PDCD1: variants seen among roughly 807,000 people sequenced by gnomAD.
PDCD1 encodes programmed cell death protein 1.
PDCD1 carries 10 observed loss-of-function variants against 23.6 expected under a neutral mutation model. The observed-to-expected ratio is 0.42, with a 90% CI of 0.26 to 0.72. The LOEUF (loss-of-function observed/expected upper bound fraction) is 0.72, where lower values mean the gene tolerates loss of function less well. Among genes scored for constraint, PDCD1 ranks in the 30% least tolerant of loss-of-function variants. The probability of loss-of-function intolerance (pLI) is 0.24; values close to 1 mark genes in which losing one functional copy is unlikely to be tolerated. For missense variants in PDCD1, 313 were observed against 397.8 expected, an observed-to-expected ratio of 0.79 and a Z score of 1.81; for synonymous variants, 168 against 169.3, an observed-to-expected ratio of 0.99 and a Z score of 0.06.
intron 1 of PDCD1, 76 bp downstream of exon 1, chr2:241,858,687 G>A (rs781350586): frequency 8.4e-5 from 112 of 1,328,622 alleles, no homozygotes; most frequent in Middle Eastern, 2.0e-4. Context: ...AGCACCCCCC[G>A]ACCTGCCAGG....
rs568397742 is a variant in PDCD1, at chr2:241,852,770, C to T, written c.287G>A (p.Arg96His). Reference protein sequence around the residue: ...RSQPGQDCRFRVTQLPNGRDF... With the variant: ...RSQPGQDCRFHVTQLPNGRDF... ...ACGCCCGTTGGGCAGTTGTGTGACA[C>T]GGAAGCGGCAGTCCTGGCCGGGCTG... is the stretch of plus-strand genomic sequence containing the variant. The change falls in exon 2 of 5, where the codon CGT (arginine) becomes CAT (histidine). Residue 96 changes from arginine (R) to histidine (H), a missense_variant. Arg to His is a conservative substitution (Grantham distance 29, BLOSUM62 0). This residue lies in a region of PDCD1 where 135 missense variants were observed against 166.9 expected (regional missense o/e 0.81). Coordinates refer to ENST00000334409, the MANE Select transcript of PDCD1 (RefSeq NM_005018.3). 9.3e-6 allele frequency: 15 copies of T among 1,614,024 alleles called. No homozygotes were observed. The highest frequency in any genetic ancestry group is 1.6e-4 in the Middle Eastern group (1 of 6,062).
Position 241,852,809 on chromosome 2 carries a change from G to T in PDCD1, c.248C>A (p.Pro83His). The T allele has an allele frequency of 6.2e-7, 1 of 1,613,312 alleles. No homozygotes were observed. The change falls in exon 2 of 5, where the codon CCC becomes CAC. Residue 83 changes from proline to histidine, a missense_variant. Transcript: ENST00000334409. ...CTGGCCGGGCTGGCTGCGGTCCTCGGGGAAGGCGGCCAGCTTGTCCGTCTG... is the reference window on the plus strand; with the variant it reads ...CTGGCCGGGCTGGCTGCGGTCCTCGTGGAAGGCGGCCAGCTTGTCCGTCTG... ...SNQTDKLAAF[P>H]EDRSQPGQDC...
At chr2:241,857,784 G>A (rs950724764) in intron 1 of PDCD1, among the ~76,000 whole-genome samples, 6 of 152,172 alleles carry the variant, frequency 3.9e-5, no homozygotes, top group African/African-American at 1.4e-4. Context: ...CAGGAGCCTC[G>A]AGGGGGTGTC....
chr2:241,852,227 A>G lies in PDCD1; in HGVS notation c.563T>C (p.Leu188Pro). 1 of 1,610,810 alleles carries G rather than the reference A, an allele frequency of 6.2e-7. No individual in the cohort carries two copies. The highest frequency in any genetic ancestry group is 1.1e-5 in the South Asian group (1 of 90,650). ...TGCGGCCCGGGAGCAGATGACGGCC[A>G]GGACCCAGACTAGCAGCACCAGGCT... ...LGSLVLLVWV[L>P]AVICSRAARG... is the part of the protein sequence containing the mutation. Residue 188 changes from leucine (L) to proline (P), a missense_variant, in exon 3 of 5, where the codon CTG becomes CCG. By Grantham distance (98) the Leu-to-Pro change is moderately conservative. Around this residue, in one of 3 missense-constraint regions of PDCD1, gnomAD observed 158 missense variants for 177.5 expected, o/e 0.89. Transcript: ENST00000334409.
chr2:241,852,372 CA>C lies in PDCD1; in HGVS notation c.437-20del. The C allele has an allele frequency of 6.6e-7, 1 of 1,520,292 alleles. No homozygotes were observed. Among genetic ancestry groups the C allele is most frequent in the Non-Finnish European group, 9.1e-7 (1 of 1,103,524 alleles). 94.2% of individuals were successfully genotyped at this position (1,520,292 alleles called of 1,614,324 possible). On this transcript the variant is annotated intron_variant, in intron 2 of 4. Transcript: ENST00000334409. ...CTTCTCTCTGGAAGGGCACAAAGGT[CA>C]GGGGTTAGGACGGGGTCAGGGTGGA...
At chr2:241,853,232 C>T (rs1700947341) in intron 1 of PDCD1, among the ~76,000 whole-genome samples, 1 of 152,138 alleles carries the variant, frequency 6.6e-6, no homozygotes, top group Non-Finnish European at 1.5e-5. Flanking sequence ...TGATTTCCTA[C>T]TAAGAGCCTT....
At chr2:241,857,217 G>A (rs1013335079) in intron 1 of PDCD1, among the ~76,000 whole-genome samples, 1 of 152,212 alleles carries the variant, frequency 6.6e-6, no homozygotes, top group Non-Finnish European at 1.5e-5. Context: ...CACTGCGGCC[G>A]GGGTGGCCAC....
intron 1 of PDCD1, 27 bp from the exon 2 acceptor site, chr2:241,853,007 G>A (rs2124861953): frequency 2.6e-6 from 4 of 1,530,806 alleles, no homozygotes; most frequent in Non-Finnish European, 3.5e-6. Flanking sequence ...GGTGAGGAAG[G>A]GGCTGGGTGG....
chr2:241,852,068 G>T, intron 3 of PDCD1, 85 bp from the exon 4 acceptor site: 1 of 1,485,964 alleles, frequency 6.7e-7, no homozygotes, highest in East Asian at 2.4e-5. Context: ...GCCTTCATCA[G>T]GGACTTAGCC....
In PDCD1 at chr2:241,851,362, C is replaced by A. The variant is rs778504442; in HGVS notation, c.628-65G>T. On this transcript the variant is annotated intron_variant, in intron 4 of 4. Coordinates refer to ENST00000334409, the MANE Select transcript of PDCD1 (RefSeq NM_005018.3). ...ACCGCAGGAAGGAGGCCCGCGGCTC[C>A]ACAGCCTGGCTGCAGTACCGGCACC... 1,046 of 1,529,784 alleles carry A rather than the reference C, an allele frequency of 6.8e-4. 4 individuals are homozygous for A. The highest frequency in any genetic ancestry group is 4.5e-4 in the Non-Finnish European group (513 of 1,132,920). The allele number at this position is 1,529,784 out of a possible 1,614,324, so 94.8% of individuals were successfully genotyped here. A position where few individuals can be genotyped will look rare whatever the true frequency, so the allele number is the denominator to read the frequency against.
rs1371267560 is a variant in PDCD1 at position 241,852,731 on chromosome 2, C to T, written c.326G>A (p.Ser109Asn). The change falls in exon 2 of 5, where the codon AGC becomes AAC. Residue 109 changes from serine to asparagine, a missense_variant. Transcript: ENST00000334409. ...GTCATTGCGCCGGGCCCTGACCACGCTCATGTGGAAGTCACGCCCGTTGGG... is the reference window on the plus strand; with the variant it reads ...GTCATTGCGCCGGGCCCTGACCACGTTCATGTGGAAGTCACGCCCGTTGGG... ...QLPNGRDFHM[S>N]VVRARRNDSG... is the part of the protein sequence containing the mutation. 1.2e-6 allele frequency: 2 copies of T among 1,613,970 alleles called. No homozygotes were observed. The highest frequency in any genetic ancestry group is 1.7e-6 in the Non-Finnish European group (2 of 1,179,986).
chr2:241,853,258 T>G (rs1487203920), intron 1 of PDCD1, among the ~76,000 whole-genome samples: 1 of 139,200 alleles, frequency 7.2e-6, no homozygotes, highest in Non-Finnish European at 1.6e-5. Flanking sequence ...CCTTCCCCGT[T>G]GAGGCCAGTT....
intron 2 of PDCD1, 80 bp downstream of exon 2, chr2:241,852,541 C>T: frequency 2.0e-6 from 3 of 1,518,228 alleles, no homozygotes; most frequent in Non-Finnish European, 2.7e-6. Flanking sequence ...GACCCTGGAG[C>T]TCCTGATCCT....
At chr2:241,853,824 T>C (rs1270472672) in intron 1 of PDCD1, among the ~76,000 whole-genome samples, 1 of 152,234 alleles carries the variant, frequency 6.6e-6, no homozygotes, top group South Asian at 2.1e-4. Context: ...ACAGGTCCCA[T>C]GCCACAGGGT....
Position 241,851,171 on chromosome 2 carries a change from C to T in PDCD1, c.754G>A (p.Val252Ile), listed in dbSNP as rs201961957. 6.2e-7 allele frequency: 1 copy of T among 1,613,626 alleles called. No individual in the cohort carries two copies. The highest frequency in any genetic ancestry group is 1.3e-5 in the African/African-American group (1 of 75,038). The part of the protein sequence containing the change: ...VPEQTEYATI[V>I]FPSGMGTSSP... ...GAGGTGCCCATTCCGCTAGGAAAGACAATGGTGGCATACTCCGTCTGCTCA... is the reference window on the plus strand; with the variant it reads ...GAGGTGCCCATTCCGCTAGGAAAGATAATGGTGGCATACTCCGTCTGCTCA... Residue 252 changes from valine to isoleucine, a missense_variant, in exon 5 of 5, where the codon GTC (valine) becomes ATC (isoleucine). Physicochemically the swap from Val to Ile is conservative, Grantham distance 29. This residue lies in a region of PDCD1 where 158 missense variants were observed against 177.5 expected (regional missense o/e 0.89). Transcript: ENST00000334409.
At position 241,850,712 on chromosome 2, in the gene PDCD1, C is replaced by A; in HGVS notation, c.*346G>T. The A allele has an allele frequency of 7.0e-6, 4 of 574,104 alleles. No individual in the cohort carries two copies. Among genetic ancestry groups the A allele is most frequent in the South Asian group, 6.4e-5 (4 of 62,656 alleles). The allele number at this position is 574,104 out of a possible 1,614,324, so 35.6% of individuals were successfully genotyped here. ...CAGGCAGGGCCACGGCGCCTTCAGC[C>A]CCGGGCCGCAGGCAGCAGCAGCAGC... On this transcript the variant is annotated 3_prime_UTR_variant, in exon 5 of 5. Coordinates refer to ENST00000334409, the MANE Select transcript of PDCD1 (RefSeq NM_005018.3).
intron 3 of PDCD1, 100 bp from the exon 4 acceptor site, chr2:241,852,083 G>C: frequency 2.1e-6 from 3 of 1,425,170 alleles, no homozygotes; most frequent in Non-Finnish European, 2.8e-6. Flanking sequence ...TTAGCCTGGC[G>C]GGGAGATGGG....
At chr2:241,852,520 C>A in intron 2 of PDCD1, 101 bp downstream of exon 2, 1 of 1,412,622 alleles carries the variant, frequency 7.1e-7, no homozygotes, top group Non-Finnish European at 9.5e-7. Context: ...GCTGGGGGGT[C>A]CCTGCCCTAC....
At chr2:241,853,164 T>C (rs529303876) in intron 1 of PDCD1, among the ~76,000 whole-genome samples, 184 bp from the exon 2 acceptor site, 3 of 152,370 alleles carry the variant, frequency 2.0e-5, no homozygotes, top group South Asian at 4.1e-4. Context: ...GCAGAGCCTC[T>C]TCCTTCTACG....
Sources: allele counts gnomAD v4.1 joint callset (sites outside exome capture counted in the v4.1 genomes callset), GRCh38; gene constraint gnomAD v4.1.1; regional missense constraint gnomAD v4.1.1; transcripts MANE v1.5; gene names NCBI Gene and HGNC (gene_info 2026-07-23, HGNC 2026-07-21).